Variants in PCDH15 observed in about 807,000 individuals in gnomAD.
PCDH15 encodes protocadherin-15.
PCDH15 carries 129 observed loss-of-function variants against 178.5 expected under a neutral mutation model. The ratio of observed to expected loss-of-function variants is 0.72; its 90% CI spans 0.63 to 0.84. The LOEUF is 0.84. PCDH15 is among the 40% of genes least tolerant of loss of function. The pLI, the probability that PCDH15 is intolerant of heterozygous loss-of-function variation, is 0.00. For synonymous variants in PCDH15, 800 were observed against 732.0 expected, an observed-to-expected ratio of 1.09 and a Z score of -1.50; for missense variants, 2,230 against 2,099.9, an observed-to-expected ratio of 1.06 and a Z score of -1.21.
chr10:54,699,394 T>G (rs2135927550), intron 1 of PCDH15, among the ~76,000 whole-genome samples: 1 of 152,218 alleles, frequency 6.6e-6, no homozygotes, highest in African/African-American at 2.4e-5. Context: ...TAAACTGAAT[T>G]ACCAAGACCC....
At position 53,804,023 on chromosome 10, in the gene PCDH15, G is replaced by T. The variant is rs1345498128; in HGVS notation, c.*2556C>A. 6.6e-6 allele frequency: 1 copy of T among 151,946 alleles called. No homozygotes were observed. Among genetic ancestry groups the T allele is most frequent in the Non-Finnish European group, 1.5e-5 (1 of 67,896 alleles). 9.4% of individuals were successfully genotyped at this position (151,946 alleles called of 1,614,324 possible). A position where few individuals can be genotyped will look rare whatever the true frequency, so the allele number is the denominator to read the frequency against. On this transcript the variant is annotated 3_prime_UTR_variant, in exon 38 of 38. Coordinates refer to ENST00000644397, the MANE Select transcript of PCDH15 (RefSeq NM_001384140.1). ...TCCACAGTTTTAATCCTGAGTCAGG[G>T]ATTTATAGACTAGTGAAAGTTCTAT...
At chr10:55,010,337 C>T (rs1840020973) in intron 2 of PCDH15, among the ~76,000 whole-genome samples, 1 of 152,048 alleles carries the variant, frequency 6.6e-6, no homozygotes. Flanking sequence ...ACATAAGCAG[C>T]AAAGACAGGC....
At chr10:54,981,537 G>A (rs889532539) in intron 2 of PCDH15, among the ~76,000 whole-genome samples, 2 of 152,088 alleles carry the variant, frequency 1.3e-5, no homozygotes, top group African/African-American at 4.8e-5. Flanking sequence ...AAATGGTAGG[G>A]CTTACTCCAT....
intron 2 of PCDH15, among the ~76,000 whole-genome samples, chr10:55,447,724 T>C (rs1017934766): frequency 3.9e-5 from 6 of 152,070 alleles, no homozygotes; most frequent in Admixed American, 6.6e-5. Flanking sequence ...ATTAAAACCA[T>C]AGAATTAAGA....
At chr10:55,548,174 G>A (rs963115782) in intron 2 of PCDH15, among the ~76,000 whole-genome samples, 1 of 146,720 alleles carries the variant, frequency 6.8e-6, no homozygotes, top group Non-Finnish European at 1.5e-5. Flanking sequence ...GAGCAGAAAC[G>A]AACTGCTCCT....
chr10:54,233,345 G>T (rs1287816423), intron 9 of PCDH15, among the ~76,000 whole-genome samples: 1 of 150,510 alleles, frequency 6.6e-6, no homozygotes, highest in Admixed American at 6.6e-5. Context: ...ACAAAGTATT[G>T]TTATTTTTAT....
chr10:54,013,563 C>G lies in PCDH15; in HGVS notation c.2751+6629G>C, dbSNP rs144530251. ...ACTAAAATCATACCAACCACACTCT[C>G]TGAACATGGTGCAATAAAAACAGAA... is the stretch of plus-strand genomic sequence containing the variant. On this transcript the variant is annotated intron_variant, in intron 20 of 37. Transcript: ENST00000644397. 1.1e-3 allele frequency among the ~76,000 whole-genome samples: 168 copies of G among 152,254 alleles called. 2 individuals are homozygous for G. The highest frequency in any genetic ancestry group is 2.9e-4 in the Non-Finnish European group (20 of 68,010).
At chr10:54,813,855 T>C (rs949497082) in intron 3 of PCDH15, among the ~76,000 whole-genome samples, 11 of 152,212 alleles carry the variant, frequency 7.2e-5, no homozygotes, top group African/African-American at 2.7e-4. Context: ...ATAATTTCAA[T>C]ATCTAGTTTT....
chr10:54,493,978 T>A (rs2137200316), intron 3 of PCDH15, among the ~76,000 whole-genome samples: 1 of 150,184 alleles, frequency 6.7e-6, no homozygotes, highest in African/African-American at 2.5e-5. Context: ...CAGTAAACTA[T>A]CGCAAGGACA....
chr10:55,276,086 T>C (rs763673827), intron 1 of PCDH15, among the ~76,000 whole-genome samples: 5 of 151,168 alleles, frequency 3.3e-5, no homozygotes, highest in Admixed American at 1.3e-4. Context: ...ATGTTGATTT[T>C]TGCATTTAGT....
chr10:54,885,479 T>G (rs16906648), intron 3 of PCDH15, among the ~76,000 whole-genome samples: 7,601 of 151,798 alleles, frequency 0.05, 625 homozygotes, highest in African/African-American at 0.17. Context: ...ACAAACAGAT[T>G]AACAGGATGA....
chr10:54,006,795 C>CT (rs1312950046), intron 20 of PCDH15, among the ~76,000 whole-genome samples: 1 of 152,180 alleles, frequency 6.6e-6, no homozygotes, highest in East Asian at 1.9e-4. Flanking sequence ...CCAAGACTCA[C>CT]TGTGTTTAAC....
chr10:55,513,912 T>A (rs572973630), intron 2 of PCDH15, among the ~76,000 whole-genome samples: 1 of 152,156 alleles, frequency 6.6e-6, no homozygotes, highest in South Asian at 2.1e-4. Context: ...ATCAAAATAT[T>A]TACATTTCAC....
At chr10:54,269,516 G>A (rs1210736947) in intron 8 of PCDH15, among the ~76,000 whole-genome samples, 1 of 151,930 alleles carries the variant, frequency 6.6e-6, no homozygotes, top group East Asian at 1.9e-4. Context: ...TTACAGAAAT[G>A]TCTTCAACAG....
rs12243666 is a variant in PCDH15, at chr10:54,147,834, T to C, written c.1784+5266A>G. Among the ~76,000 whole-genome samples the C allele has an allele frequency of 7.2e-3, 1,096 of 152,090 alleles. 18 individuals carry two copies. The highest frequency in any genetic ancestry group is 0.026 in the African/African-American group (1,072 of 41,536). On this transcript the variant is annotated intron_variant, in intron 14 of 37. Transcript: ENST00000644397. ...TCCACAACAGTAACTACAAAGATTA[T>C]AGATATGAAACAGTGGAGGAAAAAG...
chr10:54,220,418 G>A (rs1302059476), intron 9 of PCDH15, among the ~76,000 whole-genome samples: 1 of 152,130 alleles, frequency 6.6e-6, no homozygotes, highest in Non-Finnish European at 1.5e-5. Flanking sequence ...TAAATTCAGA[G>A]TGTAAACTCT....
chr10:54,636,084 T>G (rs1019074412), intron 2 of PCDH15, among the ~76,000 whole-genome samples: 4 of 151,924 alleles, frequency 2.6e-5, no homozygotes, highest in Non-Finnish European at 1.5e-5. Flanking sequence ...ATTAATCCAG[T>G]AATACTAAAA....
At chr10:55,157,706 C>A (rs1838928524) in intron 2 of PCDH15, among the ~76,000 whole-genome samples, 1 of 150,746 alleles carries the variant, frequency 6.6e-6, no homozygotes, top group East Asian at 2.0e-4. Flanking sequence ...ATCACAAGGA[C>A]AGAAAACCAA....
At chr10:54,135,385 G>A (rs2042819692) in intron 14 of PCDH15, among the ~76,000 whole-genome samples, 1 of 151,970 alleles carries the variant, frequency 6.6e-6, no homozygotes, top group African/African-American at 2.4e-5. Context: ...TCTTAAATGG[G>A]TTCAAACTGA....
Sources: gnomAD v4.1 joint callset for allele counts (sites outside exome capture counted in the v4.1 genomes callset) on GRCh38, gnomAD v4.1.1 for gene constraint, MANE v1.5 for transcripts, NCBI Gene and HGNC (gene_info 2026-07-23, HGNC 2026-07-21) for gene names.